Variants in GPC5 observed in about 807,000 individuals in gnomAD.
GPC5 encodes glypican 5.
In GPC5, 47 loss-of-function variants were observed where a neutral mutation model predicts 53.9. The ratio of observed to expected loss-of-function variants is 0.87; its 90% confidence interval spans 0.69 to 1.11. The LOEUF is 1.11. GPC5 is among the 50% of genes most tolerant of loss of function. GPC5 has a pLI of 0.00. For missense variants in GPC5, 748 were observed against 713.1 expected (o/e 1.05, Z -0.56); for synonymous variants, 286 against 263.3 (o/e 1.09, Z -0.84).
chr13:92,546,496 T>C (rs1180121453), intron 7 of GPC5, among the ~76,000 whole-genome samples: 1 of 152,010 alleles, frequency 6.6e-6, no homozygotes, highest in Non-Finnish European at 1.5e-5. Flanking sequence ...AACTACAGAC[T>C]ACTGCTCAAT....
At chr13:92,571,872 C>T (rs1883033919) in intron 7 of GPC5, among the ~76,000 whole-genome samples, 1 of 152,036 alleles carries the variant, frequency 6.6e-6, no homozygotes, top group Non-Finnish European at 1.5e-5. Flanking sequence ...GGTCCCATAT[C>T]TACAAAAACT....
intron 7 of GPC5, among the ~76,000 whole-genome samples, chr13:92,288,516 G>C (rs12874274): frequency 0.086 from 13,009 of 152,150 alleles, 617 homozygotes; most frequent in Middle Eastern, 0.12. Context: ...CTTCTATTGT[G>C]ACTATAGTCA....
intron 7 of GPC5, among the ~76,000 whole-genome samples, chr13:92,850,957 G>T (rs1413847573): frequency 6.6e-6 from 1 of 152,120 alleles, no homozygotes; most frequent in African/African-American, 2.4e-5. Flanking sequence ...AGTTTAAATT[G>T]GCTCATGGTT....
At position 92,558,475 on chromosome 13, in the gene GPC5, GTTA is replaced by G. The variant is rs1423418310; in HGVS notation, c.1562-307802_1562-307800del. On this transcript the variant is annotated intron_variant, in intron 7 of 7. Transcript: ENST00000377067. ...TCCAAGTATTATATGCATTTGTGCAGTTATTATAGTCAAAATGATATAAGGGTT... is the reference window on the plus strand; with the variant it reads ...TCCAAGTATTATATGCATTTGTGCAGTTATAGTCAAAATGATATAAGGGTT... Among the ~76,000 whole-genome samples, 6 of 152,010 alleles carry G rather than the reference GTTA, an allele frequency of 3.9e-5. No individual in the cohort carries two copies. In the South Asian group the frequency reaches 6.2e-4, roughly 16 times the overall value.
intron 2 of GPC5, among the ~76,000 whole-genome samples, chr13:91,582,764 G>A (rs150384232): frequency 0.017 from 2,599 of 152,222 alleles, 71 homozygotes; most frequent in African/African-American, 0.059. Flanking sequence ...TGTAATCCCA[G>A]CACCTTGGGA....
intron 7 of GPC5, among the ~76,000 whole-genome samples, chr13:92,574,849 T>C (rs1028967388): frequency 8.5e-5 from 13 of 152,212 alleles, no homozygotes; most frequent in African/African-American, 2.4e-4. Flanking sequence ...TTGCTGGTCT[T>C]ATCTAGCAAG....
At chr13:92,461,714 A>T (rs182218894) in intron 7 of GPC5, among the ~76,000 whole-genome samples, 1 of 152,312 alleles carries the variant, frequency 6.6e-6, no homozygotes, top group East Asian at 1.9e-4. Flanking sequence ...TTTCCACTTC[A>T]TGAGCACACA....
chr13:92,166,956 T>TCACACACACACACACACA (rs199854897), intron 7 of GPC5, among the ~76,000 whole-genome samples: 4 of 84,710 alleles, frequency 4.7e-5, no homozygotes, highest in African/African-American at 1.8e-4. Flanking sequence ...TCTCTCTCTC[T>TCACACACACACACACACA]CACACACACA....
intron 6 of GPC5, among the ~76,000 whole-genome samples, chr13:92,114,854 G>A (rs2041587870): frequency 6.6e-6 from 1 of 152,130 alleles, no homozygotes; most frequent in South Asian, 2.1e-4. Context: ...GGGTAATGGG[G>A]AGTATTTTTC....
chr13:92,196,568 A>T (rs559865653), intron 7 of GPC5, among the ~76,000 whole-genome samples: 1 of 152,316 alleles, frequency 6.6e-6, no homozygotes, highest in Admixed American at 6.5e-5. Flanking sequence ...CCCACTAAAA[A>T]TTTTAGTCAT....
At chr13:91,840,683 G>A (rs1448918195) in intron 5 of GPC5, among the ~76,000 whole-genome samples, 1 of 148,572 alleles carries the variant, frequency 6.7e-6, no homozygotes, top group Admixed American at 6.8e-5. Flanking sequence ...TGCTACTGGA[G>A]GCACTTTACT....
intron 7 of GPC5, among the ~76,000 whole-genome samples, chr13:92,404,229 T>A (rs772018003): frequency 6.6e-6 from 1 of 152,180 alleles, no homozygotes; most frequent in African/African-American, 2.4e-5. Flanking sequence ...GCCTTTTGAT[T>A]TTTACTCATG....
intron 7 of GPC5, among the ~76,000 whole-genome samples, chr13:92,220,607 A>AT (rs1182917214): frequency 6.6e-6 from 1 of 152,190 alleles, no homozygotes; most frequent in African/African-American, 2.4e-5. Flanking sequence ...AGAGACTGTG[A>AT]TTTTTAAATA....
chr13:92,113,080 G>A (rs1417109818), intron 6 of GPC5, among the ~76,000 whole-genome samples: 1 of 151,780 alleles, frequency 6.6e-6, no homozygotes, highest in South Asian at 2.1e-4. Context: ...ATGGCAACAT[G>A]GTACCTTTTT....
At chr13:91,972,301 T>C (rs2139093153) in intron 6 of GPC5, among the ~76,000 whole-genome samples, 1 of 152,304 alleles carries the variant, frequency 6.6e-6, no homozygotes, top group African/African-American at 2.4e-5. Flanking sequence ...CTGCCTTTTT[T>C]TGTTTTCCAT....
At chr13:92,076,604 G>A (rs2041254210) in intron 6 of GPC5, among the ~76,000 whole-genome samples, 2 of 151,386 alleles carry the variant, frequency 1.3e-5, no homozygotes, top group South Asian at 4.2e-4. Context: ...TACTTAAGGA[G>A]TCTGGGGAGT....
intron 6 of GPC5, among the ~76,000 whole-genome samples, chr13:92,071,995 A>G (rs2041215390): frequency 6.8e-6 from 1 of 146,106 alleles, no homozygotes; most frequent in Non-Finnish European, 1.5e-5. Context: ...TATATTATTT[A>G]TATGTATTGA....
chr13:91,450,022 TA>T lies in GPC5; in HGVS notation c.325+1103del, dbSNP rs113505136. Reference sequence around the variant, plus strand: ...AATTTGCTTGGTGTACATATATAAGTAAATCACAGAGCTCTTTAATTTTTAA... The same window carrying T: ...AATTTGCTTGGTGTACATATATAAGTAATCACAGAGCTCTTTAATTTTTAA... On this transcript the variant is annotated intron_variant, in intron 2 of 7. Transcript: ENST00000377067. Among the ~76,000 whole-genome samples the T allele has an allele frequency of 7.7e-3, 1,170 of 152,254 alleles. 19 individuals carry two copies. Among genetic ancestry groups the T allele is most frequent in the African/African-American group, 0.027 (1,107 of 41,566 alleles).
At chr13:91,478,958 C>T (rs1174739040) in intron 2 of GPC5, among the ~76,000 whole-genome samples, 9 of 144,392 alleles carry the variant, frequency 6.2e-5, no homozygotes, top group South Asian at 2.2e-4. Flanking sequence ...CTGTTACCCA[C>T]GTTGGAGTGC....
Sources: gnomAD v4.1 joint callset for allele counts (sites outside exome capture counted in the v4.1 genomes callset) on GRCh38, gnomAD v4.1.1 for gene constraint, MANE v1.5 for transcripts, NCBI Gene and HGNC (gene_info 2026-07-23, HGNC 2026-07-21) for gene names.